Variants in PTPRC observed in about 807,000 individuals in gnomAD.
The protein encoded by PTPRC is receptor-type tyrosine-protein phosphatase C.
Under a neutral mutation model 155.9 loss-of-function variants are expected in PTPRC, and 44 were observed. That is an observed-to-expected ratio of 0.28 (90% CI 0.22 to 0.36). The LOEUF is 0.36. Among genes scored for constraint, PTPRC ranks in the 10% least tolerant of loss-of-function variants. The pLI is 1.00. For missense variants in PTPRC, 1,401 were observed against 1,564.6 expected (o/e 0.90, Z 1.76); for synonymous variants, 525 against 533.1 (o/e 0.98, Z 0.21).
Position 198,703,282 on chromosome 1 carries a change from A to G in PTPRC, c.584-16A>G, listed in dbSNP as rs1308936493. Reference sequence around the variant, plus strand: ...CGAATTAATTAGCTTTTATTCTTCTATTCATTTTCTTGCAGATGCCTACCT... The same window carrying G: ...CGAATTAATTAGCTTTTATTCTTCTGTTCATTTTCTTGCAGATGCCTACCT... On this transcript the variant is annotated splice_polypyrimidine_tract_variant and intron_variant, in intron 6 of 32. Transcript: ENST00000442510. 1.2e-6 allele frequency: 2 copies of G among 1,612,376 alleles called. No individual in the cohort carries two copies. Among genetic ancestry groups the G allele is most frequent in the Non-Finnish European group, 1.7e-6 (2 of 1,179,992 alleles).
chr1:198,659,033 A>T (rs1389147084), intron 2 of PTPRC, among the ~76,000 whole-genome samples: 1 of 152,212 alleles, frequency 6.6e-6, no homozygotes, highest in Non-Finnish European at 1.5e-5. Flanking sequence ...TCAAAATCAT[A>T]TTTTAAAAAT....
intron 15 of PTPRC, 51 bp downstream of exon 15, chr1:198,722,527 C>A (rs1475949267): frequency 9.8e-7 from 1 of 1,021,888 alleles, no homozygotes. Flanking sequence ...TATATTAATG[C>A]TTATAAAGCT....
At chr1:198,692,916 T>C in intron 3 of PTPRC, 1 of 910,198 alleles carries the variant, frequency 1.1e-6, no homozygotes, top group Non-Finnish European at 1.3e-6. Context: ...ATGAGATAAA[T>C]TTAAAACACA....
intron 12 of PTPRC, among the ~76,000 whole-genome samples, chr1:198,714,787 T>TA (rs1653491614): frequency 6.6e-6 from 1 of 152,212 alleles, no homozygotes; most frequent in African/African-American, 2.4e-5. Flanking sequence ...AAATTACTAT[T>TA]AAAAATCCAC....
intron 2 of PTPRC, among the ~76,000 whole-genome samples, chr1:198,660,053 A>G (rs4025854): frequency 2.2e-4 from 12 of 54,120 alleles, no homozygotes; most frequent in Non-Finnish European, 3.2e-4. Context: ...ATATATATAT[A>G]TATATATATA....
At chr1:198,728,216 AT>A (rs1197818977) in intron 15 of PTPRC, 123 bp from the exon 16 acceptor site, 1 of 738,970 alleles carries the variant, frequency 1.4e-6, no homozygotes, top group Non-Finnish European at 2.1e-6. Flanking sequence ...TAAAATGTTT[AT>A]TTTTTAAAAC....
chr1:198,699,896 G>C (rs1666384788), intron 5 of PTPRC, 192 bp downstream of exon 5: 2 of 697,470 alleles, frequency 2.9e-6, no homozygotes, highest in African/African-American at 3.6e-5. Flanking sequence ...TGAAATAATA[G>C]TGAGAATTGT....
intron 23 of PTPRC, among the ~76,000 whole-genome samples, chr1:198,735,472 TATTA>T (rs1412883802): frequency 2.0e-5 from 3 of 151,570 alleles, no homozygotes; most frequent in African/African-American, 4.8e-5. Context: ...AATTATACTG[TATTA>T]ATTAATTATC....
chr1:198,699,801 T>A, intron 5 of PTPRC, 97 bp downstream of exon 5: 1 of 1,489,366 alleles, frequency 6.7e-7, no homozygotes, highest in Non-Finnish European at 9.4e-7. Context: ...TTATTCAATG[T>A]GCAGCTATTG....
intron 23 of PTPRC, among the ~76,000 whole-genome samples, chr1:198,736,025 T>G (rs974592711): frequency 3.3e-5 from 5 of 151,562 alleles, no homozygotes; most frequent in Non-Finnish European, 5.9e-5. Flanking sequence ...ATCTCTTATT[T>G]CCAACAAATG....
intron 14 of PTPRC, among the ~76,000 whole-genome samples, chr1:198,721,405 A>G (rs989543585): frequency 6.6e-6 from 1 of 152,094 alleles, no homozygotes; most frequent in African/African-American, 2.4e-5. Flanking sequence ...TATGGATTGT[A>G]CTTTGGTAAA....
At position 198,756,145 on chromosome 1, in the gene PTPRC, T is replaced by C. The variant is rs768141696; in HGVS notation, c.3885T>C (p.Asn1295=). 2.5e-6 allele frequency: 4 copies of C among 1,613,246 alleles called. No individual in the cohort carries two copies. Among genetic ancestry groups the C allele is most frequent in the East Asian group, 4.5e-5 (2 of 44,784 alleles). Residue 1295 remains asparagine (N), a synonymous_variant, in exon 33 of 33, where the codon AAT becomes AAC. Transcript: ENST00000442510. The stretch of plus-strand genomic sequence containing the variant: ...CTGAGGGGCCAGAACATTCTGTCAA[T>C]GGTCCTGCAAGTCCAGCTTTAAATC... ...SGTEGPEHSV[N]GPASPALNQG...
chr1:198,734,559 T>C, intron 22 of PTPRC, 134 bp downstream of exon 22: 1 of 821,634 alleles, frequency 1.2e-6, no homozygotes, highest in East Asian at 2.5e-5. Flanking sequence ...GTGTTAACAT[T>C]TAATTTAAAA....
In PTPRC at chr1:198,659,059, T is replaced by G. The variant is rs911040801; in HGVS notation, c.73+19718T>G. Among the ~76,000 whole-genome samples the G allele has an allele frequency of 3.9e-5, 6 of 152,312 alleles. No individual in the cohort carries two copies. The East Asian group carries it at 1.2e-3, about 29-fold the overall frequency. On this transcript the variant is annotated intron_variant, in intron 2 of 32. Coordinates refer to ENST00000442510, the MANE Select transcript of PTPRC (RefSeq NM_002838.5). The stretch of plus-strand genomic sequence containing the variant: ...TTTTAAAAATATCTTAATGATGAAT[T>G]TGAAGTTGAGAACCAACTTATTTCA...
chr1:198,733,047 G>T (rs1175211838), intron 20 of PTPRC, among the ~76,000 whole-genome samples: 1 of 151,688 alleles, frequency 6.6e-6, no homozygotes, highest in Non-Finnish European at 1.5e-5. Flanking sequence ...TCATCAACAT[G>T]ATCATCTATC....
At chr1:198,701,241 AT>A (rs1391327301) in intron 5 of PTPRC, among the ~76,000 whole-genome samples, 1 of 152,174 alleles carries the variant, frequency 6.6e-6, no homozygotes, top group Admixed American at 6.5e-5. Context: ...TGGAAGATGC[AT>A]TTTCAATTCT....
intron 2 of PTPRC, among the ~76,000 whole-genome samples, chr1:198,656,653 GT>G (rs67367377): frequency 0.48 from 68,510 of 141,580 alleles, 16,238 homozygotes; most frequent in East Asian, 0.71. Context: ...TTTGTTTTTT[GT>G]TTTTTTTTTT....
At chr1:198,750,073 C>T (rs1655309832) in intron 28 of PTPRC, among the ~76,000 whole-genome samples, 1 of 151,552 alleles carries the variant, frequency 6.6e-6, no homozygotes, top group Non-Finnish European at 1.5e-5. Flanking sequence ...CCAAAGTTTC[C>T]TAAAGCACAC....
At chr1:198,704,386 T>C in intron 7 of PTPRC, 86 bp from the exon 8 acceptor site, 1 of 1,595,344 alleles carries the variant, frequency 6.3e-7, no homozygotes, top group African/African-American at 1.3e-5. Flanking sequence ...GAAGTAGAAG[T>C]ATTGTAAATC....
Sources: gnomAD v4.1 joint callset for allele counts (sites outside exome capture counted in the v4.1 genomes callset) on GRCh38, gnomAD v4.1.1 for gene constraint, MANE v1.5 for transcripts, NCBI Gene and HGNC (gene_info 2026-07-23, HGNC 2026-07-21) for gene names.